PCDH15: variants seen among roughly 807,000 people sequenced by gnomAD.
PCDH15 encodes the protein protocadherin-15.
Under a neutral mutation model 178.5 loss-of-function variants are expected in PCDH15, and 129 were observed. The ratio of observed to expected loss-of-function variants is 0.72; its 90% CI spans 0.63 to 0.84. The LOEUF (loss-of-function observed/expected upper bound fraction) is 0.84. Ranked by LOEUF, PCDH15 falls within the 40% of genes least tolerant of loss-of-function variation. The pLI is 0.00. For missense variants in PCDH15, 2,230 were observed against 2,099.9 expected (o/e 1.06, Z -1.21); for synonymous variants, 800 against 732.0 (o/e 1.09, Z -1.50).
intron 1 of PCDH15, among the ~76,000 whole-genome samples, chr10:54,683,604 T>C (rs1446548734): frequency 1.3e-5 from 2 of 152,108 alleles, no homozygotes; most frequent in Non-Finnish European, 2.9e-5. Context: ...TCTGAACTAA[T>C]TGATTTCATT....
intron 15 of PCDH15, among the ~76,000 whole-genome samples, chr10:54,102,485 T>C (rs1478591510): frequency 2.6e-5 from 4 of 152,198 alleles, no homozygotes; most frequent in African/African-American, 9.6e-5. Flanking sequence ...TAGTCCACTG[T>C]CATTCTCCAA....
intron 2 of PCDH15, among the ~76,000 whole-genome samples, chr10:55,419,599 G>C (rs1173734531): frequency 1.3e-5 from 2 of 151,804 alleles, no homozygotes; most frequent in African/African-American, 4.8e-5. Flanking sequence ...TCTCACAATA[G>C]TGGTTTAAAG....
At chr10:55,559,232 CTAT>C (rs2132096702) in intron 2 of PCDH15, among the ~76,000 whole-genome samples, 1 of 151,958 alleles carries the variant, frequency 6.6e-6, no homozygotes, top group African/African-American at 2.4e-5. Context: ...GTCGATGGGC[CTAT>C]TATTACTCTA....
At chr10:55,591,839 A>C (rs1255041864) in intron 2 of PCDH15, among the ~76,000 whole-genome samples, 1 of 152,138 alleles carries the variant, frequency 6.6e-6, no homozygotes, top group Non-Finnish European at 1.5e-5. Flanking sequence ...TTATATGTTG[A>C]TTTATTTGAA....
intron 1 of PCDH15, among the ~76,000 whole-genome samples, chr10:55,275,836 A>G (rs1842581495): frequency 6.6e-6 from 1 of 151,666 alleles, no homozygotes; most frequent in South Asian, 2.1e-4. Flanking sequence ...CATTGACTCT[A>G]TTAATCAATT....
At chr10:54,000,459 C>A (rs2092079368) in intron 20 of PCDH15, among the ~76,000 whole-genome samples, 1 of 152,002 alleles carries the variant, frequency 6.6e-6, no homozygotes, top group Admixed American at 6.6e-5. Flanking sequence ...ATTTAGAATT[C>A]TATCAGATAC....
At chr10:55,466,323 A>G (rs1839830432) in intron 2 of PCDH15, among the ~76,000 whole-genome samples, 1 of 152,202 alleles carries the variant, frequency 6.6e-6, no homozygotes. Context: ...GTTAAAATTC[A>G]TAGATCATAT....
At chr10:54,454,447 ATTTTAATTAAT>A (rs1233246434) in intron 3 of PCDH15, among the ~76,000 whole-genome samples, 4 of 148,946 alleles carry the variant, frequency 2.7e-5, no homozygotes, top group East Asian at 3.9e-4. Context: ...TTTATTGTTA[ATTTTAATTAAT>A]TTTTAATTAA....
intron 3 of PCDH15, among the ~76,000 whole-genome samples, chr10:54,470,290 C>T (rs188717868): frequency 8.5e-5 from 13 of 152,238 alleles, no homozygotes; most frequent in African/African-American, 2.9e-4. Flanking sequence ...AGCCTTTCTT[C>T]GGGGTGCTTT....
intron 8 of PCDH15, among the ~76,000 whole-genome samples, chr10:54,282,686 A>C (rs1213527531): frequency 2.0e-5 from 3 of 152,092 alleles, no homozygotes; most frequent in Non-Finnish European, 4.4e-5. Flanking sequence ...GGAGGTGGAA[A>C]TAAATATTTC....
chr10:55,076,378 G>A (rs1841886688), intron 2 of PCDH15, among the ~76,000 whole-genome samples: 1 of 149,484 alleles, frequency 6.7e-6, no homozygotes. Flanking sequence ...CTATAAATCT[G>A]GGTTCTCCAA....
At chr10:53,884,963 T>G (rs1329139517) in intron 26 of PCDH15, among the ~76,000 whole-genome samples, 1 of 152,178 alleles carries the variant, frequency 6.6e-6, no homozygotes, top group African/African-American at 2.4e-5. Context: ...CAGAAAAGAT[T>G]ATGTGTCATG....
chr10:54,576,926 A>G (rs1338525293), intron 2 of PCDH15, among the ~76,000 whole-genome samples: 1 of 131,554 alleles, frequency 7.6e-6, no homozygotes. Context: ...GGAGTACGCA[A>G]TCTGTTAAAG....
At chr10:54,602,325 A>T (rs907963930) in intron 2 of PCDH15, among the ~76,000 whole-genome samples, 1 of 151,878 alleles carries the variant, frequency 6.6e-6, no homozygotes, top group Non-Finnish European at 1.5e-5. Flanking sequence ...TACAAATGCC[A>T]CTTACTTTTA....
intron 2 of PCDH15, among the ~76,000 whole-genome samples, chr10:55,092,031 A>G (rs1293709774): frequency 3.3e-5 from 5 of 151,848 alleles, no homozygotes; most frequent in Non-Finnish European, 7.4e-5. Flanking sequence ...TCCATTTTTC[A>G]CAGAAATCTA....
At chr10:54,940,334 A>C (rs1838029805) in intron 2 of PCDH15, among the ~76,000 whole-genome samples, 1 of 151,926 alleles carries the variant, frequency 6.6e-6, no homozygotes. Context: ...AATATTTGTA[A>C]ATTTTCTCAG....
At chr10:54,620,871 T>C (rs2093330287) in intron 2 of PCDH15, among the ~76,000 whole-genome samples, 1 of 151,994 alleles carries the variant, frequency 6.6e-6, no homozygotes, top group Non-Finnish European at 1.5e-5. Flanking sequence ...ACTGAAAAGC[T>C]GTGTATAAAA....
At chr10:54,909,936 TG>T (rs1295976213) in intron 2 of PCDH15, among the ~76,000 whole-genome samples, 5 of 152,126 alleles carry the variant, frequency 3.3e-5, no homozygotes, top group African/African-American at 1.2e-4. Flanking sequence ...GGGAAGGCTC[TG>T]GGGACTGTCC....
intron 2 of PCDH15, among the ~76,000 whole-genome samples, chr10:55,029,794 T>C (rs1219444125): frequency 2.6e-5 from 4 of 152,182 alleles, no homozygotes; most frequent in South Asian, 4.2e-4. Context: ...GGGAATGTGG[T>C]TGAGGAGAAA....
Sources: gnomAD v4.1 joint callset for allele counts (sites outside exome capture counted in the v4.1 genomes callset) on GRCh38, gnomAD v4.1.1 for gene constraint, MANE v1.5 for transcripts, NCBI Gene and HGNC (gene_info 2026-07-23, HGNC 2026-07-21) for gene names.